The following RFX7 variants were observed in gnomAD, a reference collection of about 807,000 sequenced individuals.
RFX7 encodes DNA-binding protein RFX7.
Under a neutral mutation model 111.8 loss-of-function variants are expected in RFX7, and 26 were observed. The observed-to-expected ratio is 0.23, with a 90% CI of 0.17 to 0.32. The LOEUF (loss-of-function observed/expected upper bound fraction) is 0.32. RFX7 is among the 10% of genes least tolerant of loss of function. The probability of loss-of-function intolerance (pLI) is 1.00; values close to 1 mark genes in which losing one functional copy is unlikely to be tolerated. For synonymous variants in RFX7, 624 were observed against 624.4 expected (o/e 1.00, Z 0.01); for missense variants, 1,573 against 1,772.9 (o/e 0.89, Z 2.02).
At chr15:56,139,154 T>C (rs369036894) in intron 5 of RFX7, among the ~76,000 whole-genome samples, 18 of 152,082 alleles carry the variant, frequency 1.2e-4, no homozygotes, top group South Asian at 8.3e-4. Context: ...TGAATCTGAA[T>C]GTTGGCCTGC....
Position 56,090,964 on chromosome 15 carries a change from A to C in RFX7, c.*2381T>G, listed in dbSNP as rs574223819. On this transcript the variant is annotated 3_prime_UTR_variant, in exon 10 of 10. Coordinates refer to ENST00000559447, the MANE Select transcript of RFX7 (RefSeq NM_022841.7). ...ACATATTCAACAATAACTAAGCAGA[A>C]TTAGTAAACATAAAGTAAATAACCT... is the stretch of plus-strand genomic sequence containing the variant. 2 of 152,620 alleles carry C rather than the reference A, an allele frequency of 1.3e-5. No individual in the cohort carries two copies. The highest frequency in any genetic ancestry group is 2.9e-5 in the Non-Finnish European group (2 of 68,010). 9.5% of individuals were successfully genotyped at this position (152,620 alleles called of 1,614,324 possible). A position where few individuals can be genotyped will look rare whatever the true frequency, so the allele number is the denominator to read the frequency against.
At chr15:56,225,344 T>G (rs1272992590) in intron 2 of RFX7, among the ~76,000 whole-genome samples, 11 of 152,124 alleles carry the variant, frequency 7.2e-5, no homozygotes, top group African/African-American at 2.7e-4. Context: ...TCTTGCTGGG[T>G]TTCAGTTACA....
intron 2 of RFX7, among the ~76,000 whole-genome samples, chr15:56,226,395 T>C (rs981060668): frequency 2.0e-5 from 3 of 152,144 alleles, no homozygotes; most frequent in Non-Finnish European, 2.9e-5. Flanking sequence ...GAATACCTAC[T>C]AGTTACCCAG....
At chr15:56,139,238 C>T (rs1455780621) in intron 5 of RFX7, among the ~76,000 whole-genome samples, 1 of 151,046 alleles carries the variant, frequency 6.6e-6, no homozygotes, top group African/African-American at 2.4e-5. Context: ...TTCTCCCCAT[C>T]ACTTTCAGGT....
At chr15:56,212,033 A>C (rs2043317562) in intron 2 of RFX7, among the ~76,000 whole-genome samples, 1 of 152,184 alleles carries the variant, frequency 6.6e-6, no homozygotes. Context: ...AGGAGAAAAA[A>C]ATACATTCAT....
At chr15:56,152,277 T>C (rs1394994767) in intron 3 of RFX7, among the ~76,000 whole-genome samples, 3 of 152,172 alleles carry the variant, frequency 2.0e-5, no homozygotes, top group Non-Finnish European at 2.9e-5. Flanking sequence ...ATCACACTTA[T>C]GCTAAAACTG....
At chr15:56,133,183 T>C (rs1595951526) in intron 5 of RFX7, among the ~76,000 whole-genome samples, 1 of 152,112 alleles carries the variant, frequency 6.6e-6, no homozygotes, top group Non-Finnish European at 1.5e-5. Flanking sequence ...ACATGAATAT[T>C]AGAATTCAAA....
intron 2 of RFX7, among the ~76,000 whole-genome samples, chr15:56,204,087 C>A (rs183745082): frequency 6.9e-6 from 1 of 144,388 alleles, no homozygotes; most frequent in African/African-American, 2.6e-5. Flanking sequence ...GTGGCCCAAT[C>A]GTGGCTCATT....
chr15:56,212,614 G>A (rs559661203), intron 2 of RFX7, among the ~76,000 whole-genome samples: 35 of 152,192 alleles, frequency 2.3e-4, no homozygotes, highest in African/African-American at 7.5e-4. Context: ...GAGAATGTAT[G>A]GGAAATTCTG....
intron 4 of RFX7, among the ~76,000 whole-genome samples, chr15:56,143,310 C>T (rs1170810085): frequency 2.0e-5 from 3 of 150,656 alleles, no homozygotes; most frequent in Non-Finnish European, 4.4e-5. Flanking sequence ...TATATACACA[C>T]ATATATATAT....
intron 2 of RFX7, among the ~76,000 whole-genome samples, chr15:56,234,632 C>T (rs1361041536): frequency 6.6e-6 from 1 of 152,180 alleles, no homozygotes; most frequent in Non-Finnish European, 1.5e-5. Context: ...GAAGCACCAA[C>T]TTTACTCTAA....
Position 56,095,305 on chromosome 15 carries a change from G to A in RFX7, c.2423C>T (p.Pro808Leu). The stretch of plus-strand genomic sequence containing the variant: ...TAAGTCATTGATATCAGAGTGCTCA[G>A]GAATTGTCATAACACTGATATCTTG... Reference protein sequence around the residue: ...QQQDISVMTIPEHSDINDLEK... With the variant: ...QQQDISVMTILEHSDINDLEK... Residue 808 changes from proline to leucine, a missense_variant, in exon 10 of 10, where the codon CCT becomes CTT. By Grantham distance (98) the Pro-to-Leu change is moderately conservative. Around this residue, in one of 7 missense-constraint regions of RFX7, gnomAD observed 625 missense variants for 632.2 expected, o/e 0.99. Transcript: ENST00000559447. 1 of 1,613,930 alleles carries A rather than the reference G, an allele frequency of 6.2e-7. No homozygotes were observed. Among genetic ancestry groups the A allele is most frequent in the Non-Finnish European group, 8.5e-7 (1 of 1,179,860 alleles).
intron 2 of RFX7, among the ~76,000 whole-genome samples, chr15:56,182,161 A>G (rs1359702499): frequency 6.6e-6 from 1 of 152,298 alleles, no homozygotes; most frequent in Admixed American, 6.5e-5. Context: ...AATAACATAA[A>G]TAAACTGTAC....
At chr15:56,225,380 T>A (rs1247510779) in intron 2 of RFX7, among the ~76,000 whole-genome samples, 2 of 152,172 alleles carry the variant, frequency 1.3e-5, no homozygotes, top group African/African-American at 4.8e-5. Flanking sequence ...TTGTCTTCAT[T>A]ATGGAAAGCC....
upstream of RFX7, among the ~76,000 whole-genome samples, chr15:56,244,851 C>G (rs1278542802): frequency 1.3e-5 from 2 of 149,732 alleles, no homozygotes; most frequent in Non-Finnish European, 3.0e-5. Flanking sequence ...TAAATGATAG[C>G]TTTGCCACAA....
chr15:56,244,772 T>G (rs2043803819), upstream of RFX7, among the ~76,000 whole-genome samples: 1 of 152,036 alleles, frequency 6.6e-6, no homozygotes, highest in African/African-American at 2.4e-5. Flanking sequence ...GCTCCTTCCT[T>G]TGGAGCCCGT....
intron 3 of RFX7, among the ~76,000 whole-genome samples, chr15:56,174,991 A>G (rs1357517913): frequency 6.6e-6 from 1 of 152,172 alleles, no homozygotes; most frequent in African/African-American, 2.4e-5. Flanking sequence ...AAGGTGAGAA[A>G]AAGAAATTGG....
intron 2 of RFX7, among the ~76,000 whole-genome samples, chr15:56,213,641 C>T (rs138265177): frequency 7.9e-5 from 12 of 152,182 alleles, no homozygotes; most frequent in Admixed American, 4.6e-4. Context: ...CAGTGTATGA[C>T]GCTACAGATT....
chr15:56,162,048 A>C (rs932237408), intron 3 of RFX7, among the ~76,000 whole-genome samples: 1 of 152,092 alleles, frequency 6.6e-6, no homozygotes, highest in African/African-American at 2.4e-5. Context: ...ACACAGTTCT[A>C]CTAGCAGGTG....
Sources: allele counts gnomAD v4.1 joint callset (sites outside exome capture counted in the v4.1 genomes callset), GRCh38; gene constraint gnomAD v4.1.1; regional missense constraint gnomAD v4.1.1; transcripts MANE v1.5; gene names NCBI Gene and HGNC (gene_info 2026-07-23, HGNC 2026-07-21).